TRHDE: variants seen among roughly 807,000 people sequenced by gnomAD.
The protein encoded by TRHDE is thyrotropin releasing hormone degrading enzyme.
A neutral mutation model predicts 125.7 loss-of-function variants in TRHDE; 72 were observed. That is an observed-to-expected ratio of 0.57 (90% confidence interval 0.47 to 0.70). The LOEUF is 0.70. Among genes scored for constraint, TRHDE ranks in the 30% least tolerant of loss-of-function variants. The pLI is 0.00. For missense variants in TRHDE, 1,110 were observed against 1,327.1 expected (o/e 0.84, Z 2.54); for synonymous variants, 509 against 509.1 (o/e 1.00, Z 0.00).
At chr12:72,472,924 CCACAA>C (rs1488097685) in intron 4 of TRHDE, 138 bp from the exon 5 acceptor site, 1 of 677,022 alleles carries the variant, frequency 1.5e-6, no homozygotes, top group Non-Finnish European at 2.5e-6. Flanking sequence ...TACAGTTTTG[CCACAA>C]CACATTTTAA....
At chr12:72,578,195 T>A (rs1871085848) in intron 12 of TRHDE, among the ~76,000 whole-genome samples, 1 of 152,198 alleles carries the variant, frequency 6.6e-6, no homozygotes. Flanking sequence ...TTATGAATGA[T>A]CTCCATCAGT....
chr12:72,441,473 G>A (rs537013854), intron 3 of TRHDE, among the ~76,000 whole-genome samples: 80 of 151,946 alleles, frequency 5.3e-4, no homozygotes, highest in South Asian at 1.9e-3. Context: ...AGTACACAAG[G>A]TGATTGACAT....
At chr12:72,509,255 T>A (rs1878482615) in intron 6 of TRHDE, among the ~76,000 whole-genome samples, 1 of 151,766 alleles carries the variant, frequency 6.6e-6, no homozygotes, top group Admixed American at 6.6e-5. Context: ...TGCTGAAAAT[T>A]CCATAATAAC....
rs1278143950 is a variant in TRHDE at position 72,380,465 on chromosome 12, T to C, written c.1315+2344T>C. On this transcript the variant is annotated intron_variant, in intron 3 of 18. Coordinates refer to ENST00000261180, the MANE Select transcript of TRHDE (RefSeq NM_013381.3). The stretch of plus-strand genomic sequence containing the variant: ...AAATGGGCAATCATGGAAGGCTTCA[T>C]TAGGAAGATGGCTTTTAAGTGAAGG... Among the ~76,000 whole-genome samples, 5 of 152,246 alleles carry C rather than the reference T, an allele frequency of 3.3e-5. No homozygotes were observed. In the East Asian group the frequency reaches 9.6e-4, roughly 29 times the overall value.
chr12:72,155,483 T>A (rs1041557161), intron 2 of TRHDE, among the ~76,000 whole-genome samples: 4 of 152,200 alleles, frequency 2.6e-5, no homozygotes, highest in African/African-American at 7.2e-5. Context: ...TTTTAGAGTT[T>A]CCGGTTTTTC....
chr12:72,524,129 A>G (rs1868293326), intron 6 of TRHDE, among the ~76,000 whole-genome samples: 1 of 152,168 alleles, frequency 6.6e-6, no homozygotes, highest in Non-Finnish European at 1.5e-5. Context: ...CCATTTCTCA[A>G]TGATATACAT....
intron 2 of TRHDE, among the ~76,000 whole-genome samples, chr12:72,372,564 G>T (rs1381075080): frequency 6.6e-6 from 1 of 152,150 alleles, no homozygotes; most frequent in Non-Finnish European, 1.5e-5. Context: ...ATTAATTTTT[G>T]TATAAGGTGT....
intron 3 of TRHDE, among the ~76,000 whole-genome samples, chr12:72,409,665 A>G (rs1216228825): frequency 6.6e-6 from 1 of 152,232 alleles, no homozygotes; most frequent in Admixed American, 6.5e-5. Context: ...GTAAGACAGT[A>G]CAATTTTGGA....
intron 2 of TRHDE, among the ~76,000 whole-genome samples, chr12:72,150,707 G>A (rs1876340471): frequency 6.6e-6 from 1 of 151,908 alleles, no homozygotes; most frequent in Admixed American, 6.6e-5. Flanking sequence ...CTTCATCCAT[G>A]TCCCTACAAA....
intron 2 of TRHDE, among the ~76,000 whole-genome samples, chr12:72,132,681 GTATT>G (rs1241267548): frequency 1.3e-5 from 2 of 152,196 alleles, no homozygotes; most frequent in African/African-American, 4.8e-5. Flanking sequence ...ATTTCAATAA[GTATT>G]TATGGATGCA....
chr12:72,224,103 T>C (rs868292293), intron 2 of TRHDE, among the ~76,000 whole-genome samples: 1 of 37,612 alleles, frequency 2.7e-5, no homozygotes, highest in Non-Finnish European at 5.7e-5. Flanking sequence ...TCTATCTATC[T>C]ATCTATCTAT....
intron 2 of TRHDE, among the ~76,000 whole-genome samples, chr12:72,296,009 C>T (rs1880286066): frequency 6.6e-6 from 1 of 152,174 alleles, no homozygotes; most frequent in South Asian, 2.1e-4. Flanking sequence ...AAACTTTTTA[C>T]ACTCATCTCT....
chr12:72,492,233 TTCTC>T (rs1321196659), intron 5 of TRHDE, among the ~76,000 whole-genome samples: 4 of 151,954 alleles, frequency 2.6e-5, no homozygotes, highest in East Asian at 1.9e-4. Flanking sequence ...AGCTTTTACT[TTCTC>T]TATCAGTATG....
At chr12:72,447,252 G>C (rs1875337121) in intron 3 of TRHDE, among the ~76,000 whole-genome samples, 1 of 152,090 alleles carries the variant, frequency 6.6e-6, no homozygotes, top group African/African-American at 2.4e-5. Flanking sequence ...TGAACAACCT[G>C]CTCCTGAATG....
In TRHDE at chr12:72,473,106, G is replaced by A. The variant is rs934760551; in HGVS notation, c.1510G>A (p.Val504Met). ...DLVTPVWWED[V>M]WLKEGFAHYF... ...TGTGACGCCTGTGTGGTGGGAAGACGTGTGGCTGAAGGAAGGGTTTGCTCA... is the reference window on the plus strand; with the variant it reads ...TGTGACGCCTGTGTGGTGGGAAGACATGTGGCTGAAGGAAGGGTTTGCTCA... Residue 504 changes from valine to methionine, a missense_variant, in exon 5 of 19, where the codon GTG becomes ATG. Around this residue, in one of 5 missense-constraint regions of TRHDE, gnomAD observed 11 missense variants for 37.5 expected, o/e 0.29. Transcript: ENST00000261180. 8 of 1,613,862 alleles carry A rather than the reference G, an allele frequency of 5.0e-6. No individual in the cohort carries two copies. Among genetic ancestry groups the A allele is most frequent in the Middle Eastern group, 1.6e-4 (1 of 6,084 alleles).
chr12:72,409,867 A>G (rs1399625791), intron 3 of TRHDE, among the ~76,000 whole-genome samples: 2 of 152,160 alleles, frequency 1.3e-5, no homozygotes, highest in Non-Finnish European at 2.9e-5. Context: ...ATGATAACAT[A>G]TATATTGAGA....
At chr12:72,531,437 CTT>C (rs954847216) in intron 6 of TRHDE, among the ~76,000 whole-genome samples, 1 of 151,840 alleles carries the variant, frequency 6.6e-6, no homozygotes, top group Non-Finnish European at 1.5e-5. Context: ...TTTATGATGT[CTT>C]TTATCATATA....
chr12:72,123,674 T>A (rs1875644180), intron 2 of TRHDE, among the ~76,000 whole-genome samples: 1 of 152,168 alleles, frequency 6.6e-6, no homozygotes, highest in Non-Finnish European at 1.5e-5. Context: ...TATTAAGGTA[T>A]AATTTTATAC....
intron 2 of TRHDE, among the ~76,000 whole-genome samples, chr12:72,199,578 C>A (rs1877515277): frequency 6.6e-6 from 1 of 152,074 alleles, no homozygotes; most frequent in African/African-American, 2.4e-5. Flanking sequence ...GCTGTAGATG[C>A]CGAGTAATAT....
Sources: gnomAD v4.1 joint callset for allele counts (sites outside exome capture counted in the v4.1 genomes callset) on GRCh38, gnomAD v4.1.1 for gene constraint, gnomAD v4.1.1 regional missense constraint, MANE v1.5 for transcripts, NCBI Gene and HGNC (gene_info 2026-07-23, HGNC 2026-07-21) for gene names.